Variants in ABR observed in about 807,000 individuals in gnomAD.
ABR encodes the protein active breakpoint cluster region-related protein.
Under a neutral mutation model 107.2 loss-of-function variants are expected in ABR, and 35 were observed. The observed-to-expected ratio is 0.33, with a 90% CI of 0.25 to 0.43. ABR has a LOEUF of 0.43. ABR is among the 20% of genes least tolerant of loss of function. The pLI is 1.00. For synonymous variants in ABR, 498 were observed against 462.0 expected (o/e 1.08, Z -1.00); for missense variants, 815 against 1,115.2 (o/e 0.73, Z 3.83).
At chr17:1,031,592 G>A (rs11656924) in intron 16 of ABR, 121,442 of 984,902 alleles carry the variant, frequency 0.12, 6,598 homozygotes, top group Middle Eastern at 0.18. Context: ...CAGCCCCCGC[G>A]GGCACCTTGT....
chr17:1,084,889 A>ACCTCCG lies in ABR; in HGVS notation c.532-1263_532-1262insCGGAGG, dbSNP rs370585386. On this transcript the variant is annotated intron_variant, in intron 4 of 22. Coordinates refer to ENST00000302538, the MANE Select transcript of ABR (RefSeq NM_021962.5). The surrounding 1 kb of genome is among the most constrained non-coding windows in gnomAD (Gnocchi z 4.2). ...AGTGGTGCGATCTCGGCTCACCGCA[A>ACCTCCG]CCTCCCGGATTCAAGGGATTCTCCT... Among the ~76,000 whole-genome samples, 1,496 of 152,066 alleles carry ACCTCCG rather than the reference A, an allele frequency of 9.8e-3. 30 individuals carry two copies. Among genetic ancestry groups the ACCTCCG allele is most frequent in the African/African-American group, 0.034 (1,419 of 41,458 alleles).
chr17:1,113,906 G>T (rs999930456), intron 2 of ABR, among the ~76,000 whole-genome samples: 8 of 152,074 alleles, frequency 5.3e-5, no homozygotes, highest in Non-Finnish European at 8.8e-5. Context: ...AGTGGCTTAC[G>T]CCTGAAATCC....
chr17:1,124,401 C>T (rs912275594), intron 2 of ABR, among the ~76,000 whole-genome samples: 2 of 152,152 alleles, frequency 1.3e-5, no homozygotes, highest in Middle Eastern at 3.2e-3. Flanking sequence ...GCAACACACA[C>T]CCCCCACAGA....
intron 16 of ABR, among the ~76,000 whole-genome samples, chr17:1,030,636 G>C (rs1362715163): frequency 6.6e-6 from 1 of 152,200 alleles, no homozygotes; most frequent in Non-Finnish European, 1.5e-5. Context: ...AACAAAACGA[G>C]GGGCCAGTGA....
chr17:1,206,446 A>C (rs1286669548), intron 1 of ABR, among the ~76,000 whole-genome samples: 14 of 152,214 alleles, frequency 9.2e-5, no homozygotes, highest in Admixed American at 9.2e-4. Context: ...GCTGGAGTGC[A>C]GTGGCACTAT....
intron 3 of ABR, among the ~76,000 whole-genome samples, chr17:1,093,963 C>T (rs887998789): frequency 3.9e-5 from 6 of 152,276 alleles, no homozygotes; most frequent in East Asian, 1.9e-4. Context: ...TGACCCTCGC[C>T]GCGCTAGAAA....
intron 1 of ABR, among the ~76,000 whole-genome samples, chr17:1,202,101 C>G (rs770024525): frequency 1.6e-4 from 25 of 152,070 alleles, no homozygotes; most frequent in Admixed American, 3.9e-4. Context: ...AAACATAATC[C>G]CTTTGCCTCC....
In ABR at chr17:1,202,696, C is replaced by T. The variant is rs112451892; in HGVS notation, c.838+26097G>A. Among the ~76,000 whole-genome samples the T allele has an allele frequency of 6.8e-3, 1,042 of 152,142 alleles. 7 individuals carry two copies. The highest frequency in any genetic ancestry group is 0.01 in the Non-Finnish European group (682 of 68,012). The stretch of plus-strand genomic sequence containing the variant: ...GATCCATAGCCATCTACTCCTAATC[C>T]GCTGACCCTTGATGAAATAGGCCTA... On this transcript the variant is annotated intron_variant, in intron 1 of 22. Transcript: ENST00000574139.
chr17:1,078,877 C>A lies in ABR; in HGVS notation c.700+453G>T, dbSNP rs1384445770. 3.3e-6 allele frequency: 5 copies of A among 1,535,514 alleles called. No individual in the cohort carries two copies. The highest frequency in any genetic ancestry group is 4.4e-6 in the Non-Finnish European group (5 of 1,146,760). On this transcript the variant is annotated intron_variant, in intron 6 of 22. Transcript: ENST00000302538. This position sits in a 1 kb window ranked among gnomAD's most constrained non-coding sequence, Gnocchi z 7.5. ...ATCTCCATGGCAGCCTCTGTCCCCG[C>A]GGCGGGAGCGTGCAGCCATCGCTCC...
chr17:1,005,075 A>G lies in ABR; in HGVS notation c.*1005T>C, dbSNP rs2069922897. On this transcript the variant is annotated 3_prime_UTR_variant, in exon 23 of 23. Coordinates refer to ENST00000302538, the MANE Select transcript of ABR (RefSeq NM_021962.5). Reference sequence around the variant, plus strand: ...CTAAGAGCTGAGCTGCCTCCCCGCGACCCGGGACACCCAGCGTGGCATGTG... The same window carrying G: ...CTAAGAGCTGAGCTGCCTCCCCGCGGCCCGGGACACCCAGCGTGGCATGTG... The G allele has an allele frequency of 5.0e-6, 2 of 398,548 alleles. No homozygotes were observed. The highest frequency in any genetic ancestry group is 8.8e-5 in the Admixed American group (2 of 22,690). The allele number at this position is 398,548 out of a possible 1,614,324, so 24.7% of individuals were successfully genotyped here.
chr17:1,020,276 T>C (rs1030622841), intron 16 of ABR, among the ~76,000 whole-genome samples: 2 of 151,994 alleles, frequency 1.3e-5, no homozygotes, highest in Non-Finnish European at 2.9e-5. Flanking sequence ...AGAGACGGGG[T>C]TTCACCGTGT....
intron 16 of ABR, among the ~76,000 whole-genome samples, chr17:1,030,624 GAAACA>G (rs2072649645): frequency 6.6e-6 from 1 of 152,234 alleles, no homozygotes. Context: ...GGCAGGAGCT[GAAACA>G]AAACGAGGGG....
chr17:1,205,184 G>A (rs1334879506), intron 1 of ABR, among the ~76,000 whole-genome samples: 1 of 152,130 alleles, frequency 6.6e-6, no homozygotes, highest in Admixed American at 6.6e-5. Flanking sequence ...TTGCAGGCCT[G>A]AGCCACCATA....
rs527959524 is a variant in ABR, at chr17:1,194,801, G to C, written c.838+33992C>G. Among the ~76,000 whole-genome samples the C allele has an allele frequency of 1.7e-3, 206 of 124,708 alleles. 46 individuals are homozygous for C. Among genetic ancestry groups the C allele is most frequent in the South Asian group, 5.3e-3 (18 of 3,368 alleles). The allele number at this position is 124,708 out of a possible 152,430, so 81.8% of individuals were successfully genotyped here. ...CCCTAGTAGCTGGGATTACAGGCAT[G>C]TGCCACCATGCCCTAAAAATTTTGT... On this transcript the variant is annotated intron_variant, in intron 1 of 22. Transcript: ENST00000574139.
chr17:1,205,409 C>G (rs1411392348), intron 1 of ABR, among the ~76,000 whole-genome samples: 3 of 152,144 alleles, frequency 2.0e-5, no homozygotes, highest in Non-Finnish European at 4.4e-5. Context: ...TCTGTAACAG[C>G]CTGTTCTGTA....
chr17:1,081,326 C>A (rs114848161), intron 5 of ABR, among the ~76,000 whole-genome samples: 1 of 152,196 alleles, frequency 6.6e-6, no homozygotes, highest in Admixed American at 6.5e-5. Flanking sequence ...TCTCCCGCCT[C>A]GGCCTCCCAA....
In ABR at chr17:1,050,745, A is replaced by G. The variant is rs2032389970; in HGVS notation, c.1562-111T>C. On this transcript the variant is annotated intron_variant, in intron 14 of 22. Transcript: ENST00000302538. The surrounding 1 kb of genome is among the most constrained non-coding windows in gnomAD (Gnocchi z 4.6). ...CGCATCTGTCCTTTCCAACGTCCCC[A>G]CGGATGGCATCTTGGCTCTCTCCTC... 3.5e-6 allele frequency: 3 copies of G among 846,722 alleles called. No individual in the cohort carries two copies. The highest frequency in any genetic ancestry group is 2.0e-6 in the Non-Finnish European group (1 of 509,972). 52.5% of individuals were successfully genotyped at this position (846,722 alleles called of 1,614,324 possible). A position where few individuals can be genotyped will look rare whatever the true frequency, so the allele number is the denominator to read the frequency against.
intron 16 of ABR, among the ~76,000 whole-genome samples, chr17:1,015,726 G>C (rs1263050622): frequency 6.6e-6 from 1 of 152,108 alleles, no homozygotes; most frequent in Non-Finnish European, 1.5e-5. Flanking sequence ...CCAAAGTGCT[G>C]GGATTACAGG....
rs2038253235 is a variant in ABR, at chr17:1,106,459, C to T, written c.247-5724G>A. ...CACATGCACGCATCCAGGCCATCCC[C>T]AACTCCACTAGAAGTGGTCCCTTCT... On this transcript the variant is annotated intron_variant, in intron 2 of 22. Coordinates refer to ENST00000302538, the MANE Select transcript of ABR (RefSeq NM_021962.5). 2.0e-5 allele frequency among the ~76,000 whole-genome samples: 3 copies of T among 151,862 alleles called. No individual in the cohort carries two copies. In the South Asian group the frequency reaches 6.2e-4, roughly 32 times the overall value.
Sources: gnomAD v4.1 joint callset for allele counts (sites outside exome capture counted in the v4.1 genomes callset) on GRCh38, gnomAD v4.1.1 for gene constraint, Gnocchi (gnomAD v3.1) non-coding constraint, MANE v1.5 for transcripts, NCBI Gene and HGNC (gene_info 2026-07-23, HGNC 2026-07-21) for gene names.